RDH13: variants seen among roughly 807,000 people sequenced by gnomAD.
RDH13 encodes the protein retinol dehydrogenase 13.
A neutral mutation model predicts 28.3 loss-of-function variants in RDH13; 35 were observed. The ratio of observed to expected loss-of-function variants is 1.24; its 90% CI spans 0.95 to 1.64. The LOEUF is 1.64. Ranked by LOEUF, RDH13 falls within the 40% of genes most tolerant of loss-of-function variation. RDH13 has a pLI of 0.00. For synonymous variants in RDH13, 229 were observed against 198.5 expected (o/e 1.15, Z -1.29); for missense variants, 514 against 446.3 (o/e 1.15, Z -1.37).
intron 3 of RDH13, among the ~76,000 whole-genome samples, chr19:55,049,250 TG>T: frequency 6.6e-6 from 1 of 152,182 alleles, no homozygotes; most frequent in East Asian, 1.9e-4. Flanking sequence ...ATCTAAGCCT[TG>T]GGACTCCTTC....
At chr19:55,063,431 GTCTT>G (rs1448700899), upstream of RDH13, 2 of 230,348 alleles carry the variant, frequency 8.7e-6, no homozygotes, top group East Asian at 1.7e-4. Context: ...CCCTCTGTGT[GTCTT>G]TCAACTATAT....
chr19:55,065,870 G>A (rs749802055), upstream of RDH13, among the ~76,000 whole-genome samples: 32 of 152,076 alleles, frequency 2.1e-4, no homozygotes, highest in Non-Finnish European at 4.1e-4. Context: ...GGCGCTCGCC[G>A]CCACACCTGG....
upstream of RDH13, chr19:55,063,767 C>T: frequency 6.5e-6 from 1 of 153,674 alleles, no homozygotes; most frequent in South Asian, 1.8e-4. Context: ...TTATCAGAAT[C>T]TCATCCCCAT....
At chr19:55,067,167 G>T, upstream of RDH13, 1 of 152,520 alleles carries the variant, frequency 6.6e-6, no homozygotes. Flanking sequence ...AAGAAGGGAG[G>T]GAGAGGCAGA....
At chr19:55,047,047 G>A in intron 6 of RDH13, 1 of 968,734 alleles carries the variant, frequency 1.0e-6, no homozygotes. Context: ...AACAGGCTCA[G>A]AGGGGTAACA....
At chr19:55,051,392 G>A (rs2075427620) in intron 3 of RDH13, among the ~76,000 whole-genome samples, 1 of 152,128 alleles carries the variant, frequency 6.6e-6, no homozygotes, top group South Asian at 2.1e-4. Context: ...GCGCCCAGGA[G>A]TGCCGCCAGC....
intron 3 of RDH13, among the ~76,000 whole-genome samples, chr19:55,051,909 T>G (rs933374992): frequency 6.6e-6 from 1 of 151,884 alleles, no homozygotes; most frequent in East Asian, 1.9e-4. Context: ...TTTTAAAATT[T>G]TTTGTAGAAA....
rs200832287 is a variant in RDH13 at position 55,047,461 on chromosome 19, T to C, written c.686A>G (p.His229Arg). ...CAGCTCTGTCCTGGCCACGCCGGGGTGCAGGGCGTTGACAGTCACACCAGA... is the reference window on the plus strand; with the variant it reads ...CAGCTCTGTCCTGGCCACGCCGGGGCGCAGGGCGTTGACAGTCACACCAGA... ...QGSGVTVNAL[H>R]PGVARTELGR... Residue 229 changes from histidine to arginine, a missense_variant, in exon 6 of 7, where the codon CAC becomes CGC. His to Arg is a conservative substitution (Grantham distance 29). Transcript: ENST00000415061. The C allele has an allele frequency of 4.2e-5, 68 of 1,608,854 alleles. No homozygotes were observed. The highest frequency in any genetic ancestry group is 1.7e-4 in the Middle Eastern group (1 of 6,052).
At chr19:55,064,611 G>GTTTGT (rs557477350), upstream of RDH13, among the ~76,000 whole-genome samples, 1 of 150,608 alleles carries the variant, frequency 6.6e-6, no homozygotes, top group Non-Finnish European at 1.5e-5. Context: ...TTGTTTGTTT[G>GTTTGT]TTTGTTTTGT....
At chr19:55,052,566 C>T (rs984243191) in intron 3 of RDH13, among the ~76,000 whole-genome samples, 1 of 151,180 alleles carries the variant, frequency 6.6e-6, no homozygotes, top group African/African-American at 2.4e-5. Flanking sequence ...AAAAATCCCT[C>T]ACTGCAGCCT....
chr19:55,047,610 C>T (rs79702635), intron 5 of RDH13, 122 bp from the exon 6 acceptor site: 20 of 1,433,200 alleles, frequency 1.4e-5, no homozygotes, highest in African/African-American at 5.7e-5. Context: ...CAAACCCCAT[C>T]GTCCCTCTTG....
rs776662958 is a variant in RDH13, at chr19:55,063,072, C to G, written c.-40G>C. 2.6e-6 allele frequency: 3 copies of G among 1,146,080 alleles called. No homozygotes were observed. Among genetic ancestry groups the G allele is most frequent in the Non-Finnish European group, 3.3e-6 (3 of 906,938 alleles). The allele number at this position is 1,146,080 out of a possible 1,614,324, so 71.0% of individuals were successfully genotyped here. ...AGGCGTCAGGCGTCAGGGGTCGGCG[C>G]GGAGCTTGCTGCACACCAGCCGCCT... On this transcript the variant is annotated 5_prime_UTR_variant, in exon 1 of 7. Coordinates refer to ENST00000415061, the MANE Select transcript of RDH13 (RefSeq NM_001145971.2).
chr19:55,049,141 C>T (rs559410454), intron 3 of RDH13, among the ~76,000 whole-genome samples: 7 of 152,164 alleles, frequency 4.6e-5, no homozygotes, highest in African/African-American at 1.2e-4. Flanking sequence ...TGCCGGCTTC[C>T]GGAACCGTGA....
upstream of RDH13, chr19:55,063,610 G>A (rs1418237292): frequency 1.3e-5 from 2 of 153,788 alleles, no homozygotes; most frequent in Non-Finnish European, 2.9e-5. Context: ...TCCTGGGTCT[G>A]AGGGAGGAGG....
intron 6 of RDH13, 77 bp downstream of exon 6, chr19:55,047,310 G>A: frequency 6.4e-7 from 1 of 1,552,812 alleles, no homozygotes; most frequent in Non-Finnish European, 8.7e-7. Flanking sequence ...GTCTCTGAGG[G>A]AGGGTCCTGG....
At chr19:55,045,362 G>A in intron 6 of RDH13, 53 bp from the exon 7 acceptor site, 4 of 1,431,942 alleles carry the variant, frequency 2.8e-6, no homozygotes, top group East Asian at 2.3e-5. Context: ...GAGAAGGAAG[G>A]AAGCCCCGCT....
chr19:55,047,923 T>C, intron 5 of RDH13: 1 of 623,370 alleles, frequency 1.6e-6, no homozygotes, highest in Admixed American at 3.3e-5. Flanking sequence ...CTGTAGGACA[T>C]TGAGAGCATC....
intron 5 of RDH13, 31 bp from the exon 6 acceptor site, chr19:55,047,519 A>AG: frequency 1.9e-6 from 3 of 1,583,638 alleles, no homozygotes; most frequent in Non-Finnish European, 2.6e-6. Flanking sequence ...AGACTGAGGG[A>AG]GGGGTCCAGC....
chr19:55,046,056 T>C (rs1381834583), intron 6 of RDH13, among the ~76,000 whole-genome samples: 1 of 151,034 alleles, frequency 6.6e-6, no homozygotes, highest in Non-Finnish European at 1.5e-5. Flanking sequence ...AAGACCAGCC[T>C]GGCCAACGTG....
Sources: gnomAD v4.1 joint callset for allele counts (sites outside exome capture counted in the v4.1 genomes callset) on GRCh38, gnomAD v4.1.1 for gene constraint, MANE v1.5 for transcripts, NCBI Gene and HGNC (gene_info 2026-07-23, HGNC 2026-07-21) for gene names.